FBXW4: variants seen among roughly 807,000 people sequenced by gnomAD.
The protein encoded by FBXW4 is F-box and WD repeat domain containing 4.
A neutral mutation model predicts 61.8 loss-of-function variants in FBXW4; 40 were observed. That is an observed-to-expected ratio of 0.65 (90% CI 0.50 to 0.84). The LOEUF (loss-of-function observed/expected upper bound fraction) is 0.84, where lower values mean the gene tolerates loss of function less well. Among genes scored for constraint, FBXW4 ranks in the 40% least tolerant of loss-of-function variants. The probability of loss-of-function intolerance (pLI) is 0.00; values close to 1 mark genes in which losing one functional copy is unlikely to be tolerated. For missense variants in FBXW4, 672 were observed against 753.8 expected (o/e 0.89, Z 1.27); for synonymous variants, 311 against 313.8 (o/e 0.99, Z 0.10).
intron 5 of FBXW4, among the ~76,000 whole-genome samples, chr10:101,663,191 C>T (rs1476234021): frequency 6.6e-6 from 1 of 152,188 alleles, no homozygotes; most frequent in African/African-American, 2.4e-5. Flanking sequence ...AAGAGAATGA[C>T]ACTCCCCCTT....
At chr10:101,636,588 C>CT (rs148076154) in intron 5 of FBXW4, among the ~76,000 whole-genome samples, 233 of 143,644 alleles carry the variant, frequency 1.6e-3, no homozygotes, top group African/African-American at 2.4e-3. Flanking sequence ...TGATTACTAT[C>CT]TTTTTTTTTT....
rs998929782 is a variant in FBXW4 at position 101,694,795 on chromosome 10, C to T, written c.311G>A (p.Gly104Glu). 1.5e-6 allele frequency: 2 copies of T among 1,338,972 alleles called. No individual in the cohort carries two copies. Among genetic ancestry groups the T allele is most frequent in the Non-Finnish European group, 1.9e-6 (2 of 1,051,272 alleles). The allele number at this position is 1,338,972 out of a possible 1,614,324, so 82.9% of individuals were successfully genotyped here. ...GARGIVKGVEGSAGAGKEAQG... is the reference protein window; with the variant it reads ...GARGIVKGVEESAGAGKEAQG... ...TGCCTCCTTCCCGGCCCCTGCGCTC[C>T]CCTCGACTCCCTTGACGATGCCTCT... The change falls in exon 1 of 9, where the codon GGG becomes GAG. Residue 104 changes from glycine to glutamate, a missense_variant. Gly to Glu is a moderately conservative substitution (Grantham distance 98). This residue lies in a region of FBXW4 where 311 missense variants were observed against 301.1 expected (regional missense o/e 1.03). Coordinates refer to ENST00000331272, the MANE Select transcript of FBXW4 (RefSeq NM_022039.4). This position sits in a 1 kb window ranked among gnomAD's most constrained non-coding sequence, Gnocchi z 6.0.
intron 5 of FBXW4, among the ~76,000 whole-genome samples, chr10:101,653,952 C>T (rs537307324): frequency 6.6e-6 from 1 of 151,930 alleles, no homozygotes; most frequent in Admixed American, 6.6e-5. Context: ...CAAACCCCAT[C>T]TCTACTAAAA....
At chr10:101,677,594 T>G (rs1172030060) in intron 1 of FBXW4, among the ~76,000 whole-genome samples, 1 of 152,124 alleles carries the variant, frequency 6.6e-6, no homozygotes, top group Non-Finnish European at 1.5e-5. Flanking sequence ...TGAGGGGGTT[T>G]GGGTTATACA....
chr10:101,655,659 G>C (rs1283289093), intron 5 of FBXW4, among the ~76,000 whole-genome samples: 1 of 152,136 alleles, frequency 6.6e-6, no homozygotes, highest in South Asian at 2.1e-4. Context: ...GACAGCTAAA[G>C]CTGCAGCTGC....
At chr10:101,649,769 G>C (rs982081682) in intron 5 of FBXW4, among the ~76,000 whole-genome samples, 1 of 152,116 alleles carries the variant, frequency 6.6e-6, no homozygotes, top group Non-Finnish European at 1.5e-5. Flanking sequence ...GCCTCCCCAG[G>C]GCCACCTCAT....
intron 4 of FBXW4, among the ~76,000 whole-genome samples, chr10:101,669,141 T>G (rs3901642): frequency 0.72 from 110,160 of 151,946 alleles, 40,257 homozygotes; most frequent in East Asian, 0.96. Flanking sequence ...GGGGATGGGA[T>G]GATTGTGTGA....
chr10:101,668,675 A>G (rs985235200), intron 4 of FBXW4, among the ~76,000 whole-genome samples: 2 of 152,192 alleles, frequency 1.3e-5, no homozygotes. Flanking sequence ...TCTGGTCTCT[A>G]TCAGTCAGGA....
intron 5 of FBXW4, chr10:101,626,859 A>G (rs1236945404): frequency 6.6e-6 from 1 of 152,296 alleles, no homozygotes; most frequent in East Asian, 1.9e-4. Context: ...GTAAATCAAT[A>G]GAGAGGGGAG....
Position 101,695,040 on chromosome 10 carries a change from C to T in FBXW4, c.66G>A (p.Glu22=). 6.9e-6 allele frequency: 7 copies of T among 1,015,986 alleles called. No homozygotes were observed. Among genetic ancestry groups the T allele is most frequent in the Non-Finnish European group, 7.1e-6 (6 of 850,196 alleles). The allele number at this position is 1,015,986 out of a possible 1,614,324, so 62.9% of individuals were successfully genotyped here. Residue 22 remains glutamate (E), a synonymous_variant, in exon 1 of 9, where the codon GAG becomes GAA. Coordinates refer to ENST00000331272, the MANE Select transcript of FBXW4 (RefSeq NM_022039.4). This position sits in a 1 kb window ranked among gnomAD's most constrained non-coding sequence, Gnocchi z 4.2. The part of the protein sequence containing the change: ...NGGPGEGEGG[E]ARKLQEGRVA... ...CCCTCCCTTCCTGCAGCTTCCTCGC[C>T]TCTCCGCCCTCGCCCTCGCCGGGCC...
intron 5 of FBXW4, among the ~76,000 whole-genome samples, chr10:101,631,546 T>C (rs147554097): frequency 2.8e-4 from 42 of 152,312 alleles, no homozygotes; most frequent in African/African-American, 9.6e-4. Context: ...TAAGCAATTC[T>C]TTCTTCTTTT....
chr10:101,632,081 G>A (rs1308064354), intron 5 of FBXW4, among the ~76,000 whole-genome samples: 1 of 152,144 alleles, frequency 6.6e-6, no homozygotes, highest in Admixed American at 6.5e-5. Context: ...GGACTGATCA[G>A]TAGCTTAAGG....
chr10:101,651,629 G>A (rs1477501518), intron 5 of FBXW4, among the ~76,000 whole-genome samples: 1 of 151,982 alleles, frequency 6.6e-6, no homozygotes, highest in Non-Finnish European at 1.5e-5. Context: ...CTCTATAAGG[G>A]CTCCCATCGG....
At chr10:101,691,698 C>T (rs1332047148) in intron 1 of FBXW4, among the ~76,000 whole-genome samples, 2 of 152,188 alleles carry the variant, frequency 1.3e-5, no homozygotes, top group East Asian at 1.9e-4. Context: ...GAAAGCCAAA[C>T]TTTGCCTTAG....
chr10:101,687,280 C>G (rs953922928), intron 1 of FBXW4, among the ~76,000 whole-genome samples: 1 of 152,118 alleles, frequency 6.6e-6, no homozygotes, highest in Admixed American at 6.6e-5. Flanking sequence ...GGACTGCTCC[C>G]AACAGCTGCT....
At chr10:101,654,887 G>T (rs1009096941) in intron 5 of FBXW4, among the ~76,000 whole-genome samples, 1 of 152,214 alleles carries the variant, frequency 6.6e-6, no homozygotes, top group African/African-American at 2.4e-5. Flanking sequence ...GCAGTGGCAC[G>T]ATCTCAGCTG....
chr10:101,661,747 T>C (rs2064246719), intron 5 of FBXW4, among the ~76,000 whole-genome samples: 2 of 152,148 alleles, frequency 1.3e-5, no homozygotes, highest in South Asian at 4.1e-4. Context: ...ACTCTTTGAC[T>C]AGCTCTTCAG....
intron 5 of FBXW4, among the ~76,000 whole-genome samples, chr10:101,640,484 C>CTTTTTTTTTTTTTTTT (rs386372272): frequency 6.0e-4 from 50 of 83,890 alleles, no homozygotes; most frequent in East Asian, 2.1e-3. Flanking sequence ...CTTTCTTTCT[C>CTTTTTTTTTTTTTTTT]TTTTTTTTTT....
At chr10:101,647,272 C>T (rs1435601614) in intron 5 of FBXW4, among the ~76,000 whole-genome samples, 1 of 152,158 alleles carries the variant, frequency 6.6e-6, no homozygotes, top group African/African-American at 2.4e-5. Flanking sequence ...GTCGTTCTGC[C>T]CCCATCAGCT....
Sources: allele counts gnomAD v4.1 joint callset (sites outside exome capture counted in the v4.1 genomes callset), GRCh38; gene constraint gnomAD v4.1.1; regional missense constraint gnomAD v4.1.1; non-coding constraint Gnocchi (gnomAD v3.1); transcripts MANE v1.5; gene names NCBI Gene and HGNC (gene_info 2026-07-23, HGNC 2026-07-21).